The following TRPC5 variants were observed in gnomAD, a reference collection of about 807,000 sequenced individuals.
TRPC5 encodes transient receptor potential cation channel subfamily C member 5, also known as short transient receptor potential channel 5.
In TRPC5, 9 loss-of-function variants were observed where a neutral mutation model predicts 56.5. The ratio of observed to expected loss-of-function variants is 0.16; its 90% CI spans 0.10 to 0.28. The LOEUF (loss-of-function observed/expected upper bound fraction) is 0.28, where lower values mean the gene tolerates loss of function less well. TRPC5 is among the 10% of genes least tolerant of loss of function. The pLI, the probability that TRPC5 is intolerant of heterozygous loss-of-function variation, is 1.00. For synonymous variants in TRPC5, 282 were observed against 278.5 expected (o/e 1.01, Z -0.13); for missense variants, 469 against 748.9 (o/e 0.63, Z 4.36).
chrX:111,944,304 G>GTGTGTGTGTGTGTGTGAGAA (rs1556592186), intron 2 of TRPC5, among the ~76,000 whole-genome samples: 12 of 70,232 alleles, frequency 1.7e-4, no homozygotes, highest in African/African-American at 8.0e-4. Context: ...GTGTGTGTGT[G>GTGTGTGTGTGTGTGTGAGAA]AGAGAGAGAG....
chrX:111,945,765 C>A (rs999725980), intron 2 of TRPC5, among the ~76,000 whole-genome samples: 3 of 111,765 alleles, frequency 2.7e-5, no homozygotes, highest in African/African-American at 9.8e-5. Context: ...AGCCCTTGCC[C>A]AGTAAAGCCA....
intron 6 of TRPC5, among the ~76,000 whole-genome samples, chrX:111,835,507 G>A (rs1379252248): frequency 8.9e-6 from 1 of 112,101 alleles, no homozygotes; most frequent in Non-Finnish European, 1.9e-5. Flanking sequence ...TGGTGCTTGA[G>A]GCCAGGAGTG....
In TRPC5 at chrX:111,886,206, G is replaced by A. The variant is rs180829138; in HGVS notation, c.900+26085C>T. 1.6e-3 allele frequency among the ~76,000 whole-genome samples: 181 copies of A among 112,173 alleles called. 1 individual carries two copies. Among genetic ancestry groups the A allele is most frequent in the African/African-American group, 5.6e-3 (174 of 30,833 alleles). On this transcript the variant is annotated intron_variant, in intron 3 of 10. Coordinates refer to ENST00000262839, the MANE Select transcript of TRPC5 (RefSeq NM_012471.3). Reference sequence around the variant, plus strand: ...GAGGCAGGAGAATTGCTTGAACCCCGGAGGTGGAGGTTGCAGTGAGCCAAG... The same window carrying A: ...GAGGCAGGAGAATTGCTTGAACCCCAGAGGTGGAGGTTGCAGTGAGCCAAG...
intron 1 of TRPC5, among the ~76,000 whole-genome samples, chrX:111,967,688 TC>T (rs1352966552): frequency 2.7e-5 from 3 of 111,439 alleles, no homozygotes; most frequent in African/African-American, 9.8e-5. Flanking sequence ...AACCATCTGA[TC>T]TTTGACAAAC....
chrX:111,937,667 G>A (rs1328266751), intron 2 of TRPC5, among the ~76,000 whole-genome samples: 3 of 100,309 alleles, frequency 3.0e-5, no homozygotes, highest in Non-Finnish European at 4.0e-5. Flanking sequence ...GATATGCGGC[G>A]TTATTTCTGA....
At position 111,907,854 on chromosome X, in the gene TRPC5, AT is replaced by A. The variant is rs949703823; in HGVS notation, c.900+4436del. Among the ~76,000 whole-genome samples the A allele has an allele frequency of 5.5e-5, 6 of 108,856 alleles. No individual in the cohort carries two copies. The South Asian group carries it at 1.2e-3, about 22-fold the overall frequency. 94.5% of individuals were successfully genotyped at this position (108,856 alleles called of 115,157 possible). On this transcript the variant is annotated intron_variant, in intron 3 of 10. Coordinates refer to ENST00000262839, the MANE Select transcript of TRPC5 (RefSeq NM_012471.3). Reference sequence around the variant, plus strand: ...GCCCTAAGCACTGTGTGAGTGTTTCATTTTTTTTTAAGACCAGATTTTGGAT... The same window carrying A: ...GCCCTAAGCACTGTGTGAGTGTTTCATTTTTTTTAAGACCAGATTTTGGAT...
chrX:112,078,886 C>T (rs760176519), intron 1 of TRPC5, among the ~76,000 whole-genome samples: 3 of 111,649 alleles, frequency 2.7e-5, no homozygotes, highest in South Asian at 7.5e-4. Context: ...AGAAAAGCTT[C>T]GTGAGTTTTA....
At chrX:112,000,895 A>G (rs1928680024) in intron 1 of TRPC5, among the ~76,000 whole-genome samples, 1 of 112,100 alleles carries the variant, frequency 8.9e-6, no homozygotes, top group Non-Finnish European at 1.9e-5. Context: ...TCAGAGTCTC[A>G]GCAAGCCTGA....
At chrX:112,064,968 G>T (rs1276184321) in intron 1 of TRPC5, among the ~76,000 whole-genome samples, 9 of 110,033 alleles carry the variant, frequency 8.2e-5, no homozygotes, top group African/African-American at 2.3e-4. Context: ...CAGCTACTCA[G>T]GGGGCTGAGG....
At chrX:111,996,215 T>A (rs1928526384) in intron 1 of TRPC5, among the ~76,000 whole-genome samples, 1 of 112,211 alleles carries the variant, frequency 8.9e-6, no homozygotes, top group African/African-American at 3.2e-5. Context: ...AAGAACATCT[T>A]TATTTCTGCC....
chrX:111,996,995 T>G (rs1194414149), intron 1 of TRPC5, among the ~76,000 whole-genome samples: 1 of 111,623 alleles, frequency 9.0e-6, no homozygotes, highest in East Asian at 2.8e-4. Context: ...TTAGCCCATT[T>G]ACATTTAAGG....
chrX:111,944,267 A>AGTGT (rs36057312), intron 2 of TRPC5, among the ~76,000 whole-genome samples: 2,760 of 71,519 alleles, frequency 0.039, 76 homozygotes, highest in Middle Eastern at 0.094. Context: ...GGAGTAGAAG[A>AGTGT]GTGTGTGTGT....
intron 1 of TRPC5, among the ~76,000 whole-genome samples, chrX:111,979,670 G>A (rs185844454): frequency 3.0e-3 from 329 of 111,500 alleles, no homozygotes; most frequent in Admixed American, 6.3e-3. Flanking sequence ...TATTTGAAAA[G>A]ATACTTCACC....
intron 1 of TRPC5, among the ~76,000 whole-genome samples, chrX:112,031,455 T>G (rs2147719208): frequency 8.9e-6 from 1 of 112,006 alleles, no homozygotes; most frequent in African/African-American, 3.2e-5. Context: ...AATCTTACTG[T>G]TTCCAATTTC....
intron 1 of TRPC5, among the ~76,000 whole-genome samples, chrX:111,967,825 G>T (rs1476331106): frequency 9.0e-6 from 1 of 111,604 alleles, no homozygotes; most frequent in Non-Finnish European, 1.9e-5. Flanking sequence ...AATTAATTCA[G>T]GATGTATTAA....
At position 111,773,965 on chromosome X, in the gene TRPC5, G is replaced by A. The variant is rs779030200; in HGVS notation, c.*2348C>T. On this transcript the variant is annotated 3_prime_UTR_variant, in exon 11 of 11. Transcript: ENST00000262839. ...TGGTGTCACCAACATGGAAGTTAGG[G>A]CAATAGCTGTTCAGCTTTAACCCCC... is the stretch of plus-strand genomic sequence containing the variant. Among the ~76,000 whole-genome samples, 2 of 111,384 alleles carry A rather than the reference G, an allele frequency of 1.8e-5. No individual in the cohort carries two copies. The highest frequency in any genetic ancestry group is 3.8e-4 in the South Asian group (1 of 2,609).
chrX:111,967,989 A>G (rs746405538), intron 1 of TRPC5, among the ~76,000 whole-genome samples: 95 of 110,943 alleles, frequency 8.6e-4, no homozygotes, highest in African/African-American at 2.8e-3. Flanking sequence ...TAATTAAACT[A>G]AAGAGCTTCT....
At chrX:112,046,821 G>C (rs1930038212) in intron 1 of TRPC5, among the ~76,000 whole-genome samples, 1 of 111,557 alleles carries the variant, frequency 9.0e-6, no homozygotes, top group South Asian at 3.8e-4. Context: ...TTCTGGAGCA[G>C]TTTGTAGAGG....
At chrX:111,856,945 T>C (rs778572308) in intron 3 of TRPC5, among the ~76,000 whole-genome samples, 1 of 111,125 alleles carries the variant, frequency 9.0e-6, no homozygotes, top group African/African-American at 3.3e-5. Context: ...TGTTGTTTAC[T>C]AACTGTGCAA....
Sources: gnomAD v4.1 joint callset for allele counts (sites outside exome capture counted in the v4.1 genomes callset) on GRCh38, gnomAD v4.1.1 for gene constraint, MANE v1.5 for transcripts, NCBI Gene and HGNC (gene_info 2026-07-23, HGNC 2026-07-21) for gene names.